EXOC6B: variants seen among roughly 807,000 people sequenced by gnomAD.
The protein encoded by EXOC6B is SEC15 homolog B.
A neutral mutation model predicts 113.5 loss-of-function variants in EXOC6B; 54 were observed. The observed-to-expected ratio is 0.48, with a 90% confidence interval of 0.38 to 0.60. The LOEUF (loss-of-function observed/expected upper bound fraction) is 0.60, where lower values mean the gene tolerates loss of function less well. EXOC6B is among the 20% of genes least tolerant of loss of function. EXOC6B has a pLI of 0.00. For missense variants in EXOC6B, 797 were observed against 977.5 expected (o/e 0.82, Z 2.46); for synonymous variants, 357 against 339.0 (o/e 1.05, Z -0.58).
chr2:72,323,126 C>T (rs1687933043), intron 20 of EXOC6B, among the ~76,000 whole-genome samples: 1 of 151,706 alleles, frequency 6.6e-6, no homozygotes, highest in African/African-American at 2.4e-5. Context: ...TACAAAGAAA[C>T]AAATTTACAA....
At chr2:72,182,234 G>T (rs994537445) in intron 21 of EXOC6B, among the ~76,000 whole-genome samples, 4 of 152,076 alleles carry the variant, frequency 2.6e-5, no homozygotes, top group Admixed American at 2.6e-4. Context: ...GTAGGGAGAG[G>T]CTAATTATTT....
At chr2:72,224,245 G>A (rs1243583640) in intron 20 of EXOC6B, among the ~76,000 whole-genome samples, 1 of 152,090 alleles carries the variant, frequency 6.6e-6, no homozygotes, top group East Asian at 1.9e-4. Flanking sequence ...CCTCTGCAAG[G>A]TTTTGGTAAA....
At chr2:72,622,888 T>C (rs1671830275) in intron 6 of EXOC6B, among the ~76,000 whole-genome samples, 2 of 152,174 alleles carry the variant, frequency 1.3e-5, no homozygotes, top group South Asian at 4.1e-4. Flanking sequence ...ATTCTGTTGG[T>C]AGAACTATAG....
intron 20 of EXOC6B, among the ~76,000 whole-genome samples, chr2:72,282,084 A>G (rs1333906790): frequency 6.6e-6 from 1 of 152,114 alleles, no homozygotes; most frequent in Non-Finnish European, 1.5e-5. Flanking sequence ...CCTGCCAACA[A>G]AAAGACTTTT....
At chr2:72,624,304 G>T (rs570304487) in intron 6 of EXOC6B, among the ~76,000 whole-genome samples, 63 of 152,032 alleles carry the variant, frequency 4.1e-4, no homozygotes, top group African/African-American at 1.5e-3. Flanking sequence ...TTGCTATATT[G>T]CCCAGGCTGG....
In EXOC6B at chr2:72,701,687, C is replaced by T. The variant is rs533562927; in HGVS notation, c.669+16416G>A. Among the ~76,000 whole-genome samples the T allele has an allele frequency of 2.6e-5, 4 of 152,272 alleles. No individual in the cohort carries two copies. In the East Asian group the frequency reaches 7.7e-4, roughly 29 times the overall value. ...TCTATCTTACCTACAGGTTTCCCTC[C>T]TCCAAATACCTGCCCCAGAGCTACT... is the stretch of plus-strand genomic sequence containing the variant. On this transcript the variant is annotated intron_variant, in intron 6 of 21. Coordinates refer to ENST00000272427, the MANE Select transcript of EXOC6B (RefSeq NM_015189.3).
chr2:72,231,852 G>A (rs575731086), intron 20 of EXOC6B, among the ~76,000 whole-genome samples: 1 of 152,308 alleles, frequency 6.6e-6, no homozygotes, highest in South Asian at 2.1e-4. Flanking sequence ...TTCAGCCATT[G>A]TGGAAAGCAT....
intron 20 of EXOC6B, among the ~76,000 whole-genome samples, chr2:72,199,605 C>T (rs1032207975): frequency 7.9e-5 from 12 of 152,258 alleles, no homozygotes; most frequent in Non-Finnish European, 1.3e-4. Flanking sequence ...TCCTCTCCAC[C>T]GCCATTCCCC....
chr2:72,618,499 C>T (rs907024100), intron 6 of EXOC6B, among the ~76,000 whole-genome samples: 3 of 152,186 alleles, frequency 2.0e-5, no homozygotes, highest in African/African-American at 7.2e-5. Context: ...TTCAATGACT[C>T]CTTTTTTCAT....
chr2:72,486,107 T>C (rs1003391931), intron 16 of EXOC6B, among the ~76,000 whole-genome samples: 3 of 152,146 alleles, frequency 2.0e-5, no homozygotes, highest in Non-Finnish European at 2.9e-5. Context: ...CAGTGGCTCA[T>C]GCCTGTAATC....
chr2:72,182,223 G>C (rs1678132525), intron 21 of EXOC6B, among the ~76,000 whole-genome samples: 3 of 152,148 alleles, frequency 2.0e-5, no homozygotes, highest in Admixed American at 2.0e-4. Context: ...GCTCCAGAAT[G>C]GTAGGGAGAG....
At chr2:72,772,438 C>T (rs1301677441) in intron 1 of EXOC6B, among the ~76,000 whole-genome samples, 3 of 152,184 alleles carry the variant, frequency 2.0e-5, no homozygotes, top group African/African-American at 7.2e-5. Context: ...GTTCTAGGCC[C>T]AGCCACATGG....
intron 18 of EXOC6B, among the ~76,000 whole-genome samples, chr2:72,407,346 T>A (rs1377502830): frequency 5.3e-5 from 8 of 152,098 alleles, no homozygotes; most frequent in Non-Finnish European, 1.2e-4. Context: ...AAAGAGGGAA[T>A]CCTCCCTAAC....
chr2:72,608,718 C>T (rs1670891933), intron 6 of EXOC6B, among the ~76,000 whole-genome samples: 1 of 151,612 alleles, frequency 6.6e-6, no homozygotes, highest in South Asian at 2.1e-4. Context: ...TAGATGGCTA[C>T]AAAACTATTT....
chr2:72,595,106 CAA>C (rs1472889556), intron 6 of EXOC6B, among the ~76,000 whole-genome samples: 3 of 151,666 alleles, frequency 2.0e-5, no homozygotes, highest in African/African-American at 7.3e-5. Flanking sequence ...TAAAAATACA[CAA>C]AAATTAGCCA....
intron 18 of EXOC6B, among the ~76,000 whole-genome samples, chr2:72,421,772 T>C (rs900651284): frequency 1.3e-5 from 2 of 152,208 alleles, no homozygotes; most frequent in African/African-American, 4.8e-5. Flanking sequence ...TGGGAGCCCC[T>C]TTCTGGGCTG....
intron 1 of EXOC6B, among the ~76,000 whole-genome samples, chr2:72,821,986 T>C (rs536115384): frequency 6.6e-6 from 1 of 152,218 alleles, no homozygotes; most frequent in African/African-American, 2.4e-5. Flanking sequence ...TGTTTTTTAA[T>C]GGCAATGTAT....
At chr2:72,685,787 C>A (rs1016566052) in intron 6 of EXOC6B, among the ~76,000 whole-genome samples, 6 of 152,326 alleles carry the variant, frequency 3.9e-5, no homozygotes, top group African/African-American at 1.4e-4. Context: ...TAAACAATGC[C>A]TAAAAGGCAT....
intron 17 of EXOC6B, among the ~76,000 whole-genome samples, chr2:72,469,048 G>A (rs908233157): frequency 6.6e-6 from 1 of 152,064 alleles, no homozygotes; most frequent in Admixed American, 6.6e-5. Flanking sequence ...TAAAATTGGT[G>A]TGGTACAATT....
Sources: allele counts gnomAD v4.1 joint callset (sites outside exome capture counted in the v4.1 genomes callset), GRCh38; gene constraint gnomAD v4.1.1; transcripts MANE v1.5; gene names NCBI Gene and HGNC (gene_info 2026-07-23, HGNC 2026-07-21).